REEP2: variants seen among roughly 807,000 people sequenced by gnomAD.
REEP2 encodes the protein receptor expression-enhancing protein 2.
REEP2 carries 9 observed loss-of-function variants against 32.1 expected under a neutral mutation model. The ratio of observed to expected loss-of-function variants is 0.28; its 90% CI spans 0.17 to 0.49. REEP2 has a LOEUF of 0.49. Among genes scored for constraint, REEP2 ranks in the 20% least tolerant of loss-of-function variants. The pLI is 0.99. For missense variants in REEP2, 236 were observed against 338.0 expected (o/e 0.70, Z 2.37); for synonymous variants, 128 against 139.1 (o/e 0.92, Z 0.56).
chr5:138,446,006 C>CT lies in REEP2; in HGVS notation c.*256dup. 2 of 520,392 alleles carry CT rather than the reference C, an allele frequency of 3.8e-6. No individual in the cohort carries two copies. Among genetic ancestry groups the CT allele is most frequent in the East Asian group, 6.4e-5 (2 of 31,486 alleles). 32.2% of individuals were successfully genotyped at this position (520,392 alleles called of 1,614,324 possible). On this transcript the variant is annotated 3_prime_UTR_variant, in exon 8 of 8. Coordinates refer to ENST00000378339, the MANE Select transcript of REEP2 (RefSeq NM_001271803.2). ...ACTGAGCCACCCAAGGAGGTGGGGA[C>CT]TGCTCGGCCTCCACCGCTGTTCCGC...
intron 4 of REEP2, 39 bp downstream of exon 4, chr5:138,444,574 C>A (rs1763888347): frequency 6.2e-7 from 1 of 1,609,764 alleles, no homozygotes; most frequent in Non-Finnish European, 8.5e-7. Flanking sequence ...AGCCTGCCCC[C>A]AGCCAAGGCA....
intron 6 of REEP2, 33 bp downstream of exon 6, chr5:138,445,408 C>G (rs1158135320): frequency 8.7e-6 from 14 of 1,612,544 alleles, no homozygotes; most frequent in Non-Finnish European, 5.9e-6. Flanking sequence ...GGGTGGGGCC[C>G]CAAGGGCAAG....
chr5:138,445,090 C>A, intron 5 of REEP2, 138 bp from the exon 6 acceptor site: 2 of 1,038,700 alleles, frequency 1.9e-6, no homozygotes, highest in Non-Finnish European at 2.8e-6. Flanking sequence ...CCCCAGCCCT[C>A]AGCTCTGTCT....
At chr5:138,440,328 G>A (rs1338736645) in intron 1 of REEP2, among the ~76,000 whole-genome samples, 4 of 152,256 alleles carry the variant, frequency 2.6e-5, no homozygotes, top group East Asian at 1.9e-4. Context: ...CCTCCATGTG[G>A]CCTTCAGGGT....
chr5:138,439,960 G>C (rs1763791695), intron 1 of REEP2: 1 of 360,876 alleles, frequency 2.8e-6, no homozygotes, highest in Non-Finnish European at 5.5e-6. Flanking sequence ...CGGGCCCCAG[G>C]AGGGAACACA....
chr5:138,444,341 G>C, intron 3 of REEP2, 74 bp from the exon 4 acceptor site: 8 of 1,557,868 alleles, frequency 5.1e-6, no homozygotes, highest in Non-Finnish European at 7.0e-6. Flanking sequence ...GTCACACATG[G>C]GGCCGGTGCT....
Position 138,445,212 on chromosome 5 carries a change from G to A in REEP2, c.418-16G>A, listed in dbSNP as rs201508416. 1.8e-5 allele frequency: 29 copies of A among 1,577,716 alleles called. No homozygotes were observed. The Middle Eastern group carries it at 5.2e-4, about 28-fold the overall frequency. On this transcript the variant is annotated splice_polypyrimidine_tract_variant and intron_variant, in intron 5 of 7. Coordinates refer to ENST00000378339, the MANE Select transcript of REEP2 (RefSeq NM_001271803.2). ...CCCTTCCCCCCGGCTCTCCCGGTGC[G>A]TGGTGGTGACCCTAGGGCCAGGGGG...
At position 138,441,198 on chromosome 5, in the gene REEP2, A is replaced by T. The variant is rs1369264463; in HGVS notation, c.105+110A>T. 6.9e-7 allele frequency: 1 copy of T among 1,456,888 alleles called. No homozygotes were observed. Among genetic ancestry groups the T allele is most frequent in the Non-Finnish European group, 9.5e-7 (1 of 1,053,436 alleles). 90.2% of individuals were successfully genotyped at this position (1,456,888 alleles called of 1,614,324 possible). On this transcript the variant is annotated intron_variant, in intron 2 of 7. Coordinates refer to ENST00000378339, the MANE Select transcript of REEP2 (RefSeq NM_001271803.2). This position sits in a 1 kb window ranked among gnomAD's most constrained non-coding sequence, Gnocchi z 4.4. ...CTTTGCACCAACACTGTCAGCCACT[A>T]ACAAGACCCACCAGCAAAGGAGGGC...
intron 5 of REEP2, 77 bp downstream of exon 5, chr5:138,444,944 C>T (rs1309967721): frequency 2.6e-5 from 28 of 1,063,410 alleles, no homozygotes; most frequent in Non-Finnish European, 3.7e-5. Context: ...TTTGCATCCA[C>T]CCTGTACTCG....
intron 3 of REEP2, chr5:138,443,780 T>C (rs887966755): frequency 2.0e-5 from 3 of 152,178 alleles, no homozygotes; most frequent in Non-Finnish European, 4.4e-5. Flanking sequence ...GCTCAGATGA[T>C]CCTCCCACCT....
Position 138,444,411 on chromosome 5 carries a change from A to G in REEP2, c.183-4A>G, listed in dbSNP as rs369402144. 5.0e-6 allele frequency: 8 copies of G among 1,613,558 alleles called. No individual in the cohort carries two copies. In the African/African-American group the frequency reaches 1.1e-4, roughly 22 times the overall value. ...GTACTCTGCGCTTGCCCCTGTCCCA[A>G]CAGGTTCCCCTTCTACTTTGAACTG... On this transcript the variant is annotated splice_region_variant and splice_polypyrimidine_tract_variant and intron_variant, in intron 3 of 7. Transcript: ENST00000378339.
rs1763922478 is a variant in REEP2, at chr5:138,445,875, C to T, written c.*124C>T. 1 of 923,592 alleles carries T rather than the reference C, an allele frequency of 1.1e-6. No individual in the cohort carries two copies. Among genetic ancestry groups the T allele is most frequent in the Non-Finnish European group, 1.6e-6 (1 of 615,734 alleles). 57.2% of individuals were successfully genotyped at this position (923,592 alleles called of 1,614,324 possible). On this transcript the variant is annotated 3_prime_UTR_variant, in exon 8 of 8. Coordinates refer to ENST00000378339, the MANE Select transcript of REEP2 (RefSeq NM_001271803.2). Reference sequence around the variant, plus strand: ...CAGGCCCCTGGGCCCCGCAGATGGCCATTTCCGGTGCCTGCCCAGTGGCCA... The same window carrying T: ...CAGGCCCCTGGGCCCCGCAGATGGCTATTTCCGGTGCCTGCCCAGTGGCCA...
chr5:138,445,881 C>A lies in REEP2; in HGVS notation c.*130C>A, dbSNP rs902990281. The A allele has an allele frequency of 7.1e-6, 6 of 848,724 alleles. No individual in the cohort carries two copies. The Admixed American group carries it at 1.7e-4, about 24-fold the overall frequency. 52.6% of individuals were successfully genotyped at this position (848,724 alleles called of 1,614,324 possible). A position where few individuals can be genotyped will look rare whatever the true frequency, so the allele number is the denominator to read the frequency against. On this transcript the variant is annotated 3_prime_UTR_variant, in exon 8 of 8. Transcript: ENST00000378339. ...CCTGGGCCCCGCAGATGGCCATTTC[C>A]GGTGCCTGCCCAGTGGCCACTCTTC... is the stretch of plus-strand genomic sequence containing the variant.
At chr5:138,439,284 G>A in intron 1 of REEP2, 44 bp downstream of exon 1, 2 of 1,436,126 alleles carry the variant, frequency 1.4e-6, no homozygotes, top group Non-Finnish European at 1.8e-6. Context: ...TGTGATGGAG[G>A]GCGGGGGTGT....
chr5:138,440,137 C>G (rs1474516047), intron 1 of REEP2, among the ~76,000 whole-genome samples: 2 of 152,238 alleles, frequency 1.3e-5, no homozygotes, highest in Non-Finnish European at 2.9e-5. Context: ...TCGGAGCTAT[C>G]CCCTGCCCTA....
chr5:138,439,523 C>G (rs937774652), intron 1 of REEP2, among the ~76,000 whole-genome samples: 14 of 152,190 alleles, frequency 9.2e-5, no homozygotes, highest in African/African-American at 3.1e-4. Context: ...AGAGGCTGAG[C>G]AGCACGGCTT....
At position 138,440,999 on chromosome 5, in the gene REEP2, C is replaced by T. The variant is rs192524648; in HGVS notation, c.33-17C>T. 6.5e-5 allele frequency: 104 copies of T among 1,611,412 alleles called. 1 individual carries two copies. In the East Asian group the frequency reaches 1.6e-3, roughly 25 times the overall value. On this transcript the variant is annotated splice_polypyrimidine_tract_variant and intron_variant, in intron 1 of 7. Transcript: ENST00000378339. ...GCCCTTGGCTGAGAGGCCCAGTAAC[C>T]ATGCCTGCCTCCCTAGGCTCATCTT...
Position 138,445,345 on chromosome 5 carries a change from G to A in REEP2, c.535G>A (p.Gly179Ser), listed in dbSNP as rs1763907631. 6.2e-7 allele frequency: 1 copy of A among 1,613,270 alleles called. No individual in the cohort carries two copies. Among genetic ancestry groups the A allele is most frequent in the East Asian group, 2.2e-5 (1 of 44,842 alleles). Residue 179 changes from glycine (G) to serine (S), a missense_variant, in exon 6 of 8, where the codon GGC (glycine) becomes AGC (serine). By Grantham distance (56) the Gly-to-Ser change is moderately conservative. Transcript: ENST00000378339. Reference protein sequence around the residue: ...RPDGRLRPSPGSLLDTIEDLG... With the variant: ...RPDGRLRPSPSSLLDTIEDLG... ...TGACGGCCGCCTCCGACCCAGCCCT[G>A]GCAGCCTCCTGGACACCATCGAGGA... is the stretch of plus-strand genomic sequence containing the variant.
rs745798389 is a variant in REEP2, at chr5:138,444,554, C to G, written c.303+19C>G. On this transcript the variant is annotated intron_variant, in intron 4 of 7. Transcript: ENST00000378339. ...GGAGAAGGTTTGCCCCCACTCTCAG[C>G]TCACCTCCCAGCCTGCCCCCAGCCA... 6.2e-7 allele frequency: 1 copy of G among 1,613,064 alleles called. No homozygotes were observed. The highest frequency in any genetic ancestry group is 8.5e-7 in the Non-Finnish European group (1 of 1,179,332).
Sources: gnomAD v4.1 joint callset for allele counts (sites outside exome capture counted in the v4.1 genomes callset) on GRCh38, gnomAD v4.1.1 for gene constraint, Gnocchi (gnomAD v3.1) non-coding constraint, MANE v1.5 for transcripts, NCBI Gene and HGNC (gene_info 2026-07-23, HGNC 2026-07-21) for gene names.